The following TMTC2 variants were observed in gnomAD, a reference collection of about 807,000 sequenced individuals.
TMTC2 encodes protein O-mannosyl-transferase TMTC2.
Under a neutral mutation model 82.4 loss-of-function variants are expected in TMTC2, and 43 were observed. The observed-to-expected ratio is 0.52, with a 90% CI of 0.41 to 0.67. TMTC2 has a LOEUF of 0.67. Ranked by LOEUF, TMTC2 falls within the 30% of genes least tolerant of loss-of-function variation. The probability of loss-of-function intolerance (pLI) is 0.00; values close to 1 mark genes in which losing one functional copy is unlikely to be tolerated. For synonymous variants in TMTC2, 408 were observed against 381.9 expected (o/e 1.07, Z -0.80); for missense variants, 919 against 1,012.4 (o/e 0.91, Z 1.25).
chr12:83,113,487 A>T (rs985795649), intron 11 of TMTC2, among the ~76,000 whole-genome samples: 2 of 152,234 alleles, frequency 1.3e-5, no homozygotes, highest in African/African-American at 2.4e-5. Context: ...GAGGGCGATA[A>T]GTGAACCTTT....
chr12:83,120,919 T>C (rs1306122814), intron 11 of TMTC2, among the ~76,000 whole-genome samples: 1 of 152,202 alleles, frequency 6.6e-6, no homozygotes, highest in African/African-American at 2.4e-5. Flanking sequence ...GCTCTGAATT[T>C]CTTTCTTCTA....
rs79204785 is a variant in TMTC2 at position 82,719,568 on chromosome 12, A to T, written c.83+31899A>T. ...GAAAATATCATGCAACACAGGTACA[A>T]CTGTGAGCAAATGCCTTTTCCTTTT... On this transcript the variant is annotated intron_variant, in intron 1 of 11. Coordinates refer to ENST00000321196, the MANE Select transcript of TMTC2 (RefSeq NM_152588.3). 3.4e-3 allele frequency among the ~76,000 whole-genome samples: 518 copies of T among 152,260 alleles called. 2 individuals carry two copies. Among genetic ancestry groups the T allele is most frequent in the African/African-American group, 0.011 (465 of 41,544 alleles).
intron 11 of TMTC2, among the ~76,000 whole-genome samples, chr12:83,111,468 ATG>A (rs1402903435): frequency 2.0e-5 from 3 of 152,146 alleles, no homozygotes; most frequent in African/African-American, 7.2e-5. Context: ...TGCAATTTTC[ATG>A]TGTTATGATG....
intron 8 of TMTC2, among the ~76,000 whole-genome samples, chr12:83,027,896 G>A (rs950619206): frequency 2.0e-5 from 3 of 152,208 alleles, no homozygotes; most frequent in African/African-American, 7.2e-5. Context: ...TTACTACCCT[G>A]TTTACTGTGA....
At chr12:83,074,678 A>G (rs891475882) in intron 11 of TMTC2, among the ~76,000 whole-genome samples, 1 of 151,752 alleles carries the variant, frequency 6.6e-6, no homozygotes, top group Non-Finnish European at 1.5e-5. Flanking sequence ...GGCTGGTCTC[A>G]CTCCCATTGT....
intron 1 of TMTC2, among the ~76,000 whole-genome samples, chr12:82,856,453 AG>A (rs1360382601): frequency 6.6e-6 from 1 of 152,172 alleles, no homozygotes; most frequent in Admixed American, 6.5e-5. Context: ...GCATCACCTG[AG>A]AGCTACTGGA....
chr12:82,899,137 C>T (rs1873831346), intron 3 of TMTC2, among the ~76,000 whole-genome samples: 1 of 152,032 alleles, frequency 6.6e-6, no homozygotes, highest in Admixed American at 6.6e-5. Flanking sequence ...AGAATTTAGG[C>T]ACTCCAAAAT....
intron 2 of TMTC2, among the ~76,000 whole-genome samples, chr12:82,860,186 A>T (rs1390390327): frequency 2.0e-5 from 3 of 151,786 alleles, no homozygotes. Context: ...GTTGGCCAGG[A>T]TGGTCTTGAT....
intron 9 of TMTC2, among the ~76,000 whole-genome samples, chr12:83,045,282 TC>T (rs1882045900): frequency 1.3e-5 from 2 of 152,328 alleles, no homozygotes; most frequent in South Asian, 4.1e-4. Flanking sequence ...CTCATTTTTT[TC>T]ATTTTTTTCT....
chr12:82,918,067 A>G (rs951561119), intron 3 of TMTC2, among the ~76,000 whole-genome samples: 1 of 152,046 alleles, frequency 6.6e-6, no homozygotes, highest in African/African-American at 2.4e-5. Flanking sequence ...TACAGCATGC[A>G]TCACCATGTC....
At chr12:82,808,349 T>C (rs574501820) in intron 1 of TMTC2, among the ~76,000 whole-genome samples, 4 of 152,180 alleles carry the variant, frequency 2.6e-5, no homozygotes, top group Non-Finnish European at 2.9e-5. Flanking sequence ...CAGTATAATT[T>C]TATTTCTTTA....
chr12:83,084,140 G>A (rs1883566746), intron 11 of TMTC2, among the ~76,000 whole-genome samples: 1 of 152,166 alleles, frequency 6.6e-6, no homozygotes, highest in East Asian at 1.9e-4. Context: ...CACTCAGATA[G>A]TTTGAGCTCC....
intron 1 of TMTC2, among the ~76,000 whole-genome samples, chr12:82,737,877 G>T (rs1448691085): frequency 6.6e-6 from 1 of 152,186 alleles, no homozygotes; most frequent in Admixed American, 6.5e-5. Context: ...CCCAAAGGGA[G>T]ACAGTTCCCT....
At chr12:82,882,857 A>C (rs775941491) in intron 2 of TMTC2, among the ~76,000 whole-genome samples, 4 of 152,016 alleles carry the variant, frequency 2.6e-5, no homozygotes, top group Non-Finnish European at 5.9e-5. Context: ...GGAGTTCGAG[A>C]CCAGCCTGAT....
intron 10 of TMTC2, among the ~76,000 whole-genome samples, chr12:83,052,341 A>G (rs1592717901): frequency 6.6e-6 from 1 of 152,232 alleles, no homozygotes; most frequent in East Asian, 1.9e-4. Context: ...TAGCATCCCT[A>G]AAGTACTTGT....
At chr12:82,715,745 G>C (rs1051522750) in intron 1 of TMTC2, among the ~76,000 whole-genome samples, 1 of 152,098 alleles carries the variant, frequency 6.6e-6, no homozygotes, top group Non-Finnish European at 1.5e-5. Flanking sequence ...GTAGGGATGG[G>C]GTAGGGATAT....
intron 4 of TMTC2, among the ~76,000 whole-genome samples, chr12:82,964,167 T>A: frequency 6.6e-6 from 1 of 151,814 alleles, no homozygotes; most frequent in East Asian, 1.9e-4. Flanking sequence ...GTCTGTAAGA[T>A]ACTTAACTGA....
intron 7 of TMTC2, among the ~76,000 whole-genome samples, chr12:82,985,227 T>A (rs1272443291): frequency 6.6e-6 from 1 of 151,848 alleles, no homozygotes; most frequent in Non-Finnish European, 1.5e-5. Context: ...CCCACCTAAT[T>A]TTTTTTCAGA....
intron 3 of TMTC2, among the ~76,000 whole-genome samples, chr12:82,906,829 C>T (rs919205999): frequency 5.3e-5 from 8 of 152,114 alleles, no homozygotes; most frequent in Non-Finnish European, 8.8e-5. Flanking sequence ...ACCAGAGAGC[C>T]TTGGTAAGAG....
Sources: gnomAD v4.1 joint callset for allele counts (sites outside exome capture counted in the v4.1 genomes callset) on GRCh38, gnomAD v4.1.1 for gene constraint, MANE v1.5 for transcripts, NCBI Gene and HGNC (gene_info 2026-07-23, HGNC 2026-07-21) for gene names.